RET: variants seen among roughly 807,000 people sequenced by gnomAD.
The protein encoded by RET is proto-oncogene tyrosine-protein kinase receptor Ret.
In RET, 19 loss-of-function variants were observed where a neutral mutation model predicts 118.3. The ratio of observed to expected loss-of-function variants is 0.16; its 90% CI spans 0.11 to 0.24. The LOEUF (loss-of-function observed/expected upper bound fraction) is 0.24, where lower values mean the gene tolerates loss of function less well. Ranked by LOEUF, RET falls within the 10% of genes least tolerant of loss-of-function variation. The pLI, the probability that RET is intolerant of heterozygous loss-of-function variation, is 1.00. For synonymous variants in RET, 597 were observed against 644.1 expected (o/e 0.93, Z 1.11); for missense variants, 1,219 against 1,502.1 (o/e 0.81, Z 3.12).
In RET at chr10:43,114,711, T is replaced by A. The variant is rs770155054; in HGVS notation, c.2111T>A (p.Val704Asp). 5.6e-6 allele frequency: 9 copies of A among 1,611,068 alleles called. No homozygotes were observed. The South Asian group carries it at 9.9e-5, about 18-fold the overall frequency. The change falls in exon 11 of 20, where the codon GTC becomes GAC. Residue 704 changes from valine (V) to aspartate (D), a missense_variant. Transcript: ENST00000355710. The surrounding 1 kb of genome is among the most constrained non-coding windows in gnomAD (Gnocchi z 4.6). ...RPSLDSMENQ[V>D]SVDAFKILED... ...TCGCTGGACTCCATGGAGAACCAGGTCTCCGTGGATGCCTTCAAGATCCTG... is the reference window on the plus strand; with the variant it reads ...TCGCTGGACTCCATGGAGAACCAGGACTCCGTGGATGCCTTCAAGATCCTG...
chr10:43,116,463 C>A (rs2132898889), intron 11 of RET, 121 bp from the exon 12 acceptor site: 1 of 1,268,986 alleles, frequency 7.9e-7, no homozygotes, highest in Non-Finnish European at 1.1e-6. Flanking sequence ...CAGATGACAG[C>A]CGGTTCTCTG....
rs1185431356 is a variant in RET, at chr10:43,077,276, C to G, written c.18C>G (p.Ser6=). 6.6e-7 allele frequency: 1 copy of G among 1,506,450 alleles called. No homozygotes were observed. The highest frequency in any genetic ancestry group is 8.8e-7 in the Non-Finnish European group (1 of 1,133,110). 93.3% of individuals were successfully genotyped at this position (1,506,450 alleles called of 1,614,324 possible). ...CACGGGCGATGGCGAAGGCGACGTC[C>G]GGTGCCGCGGGGCTGCGTCTGCTGT... is the stretch of plus-strand genomic sequence containing the variant. MAKAT[S]GAAGLRLLLL... The change falls in exon 1 of 20, where the codon TCC becomes TCG. Residue 6 remains serine, a synonymous_variant. Coordinates refer to ENST00000355710, the MANE Select transcript of RET (RefSeq NM_020975.6).
At chr10:43,120,424 C>G (rs1020969413) in intron 15 of RET, among the ~76,000 whole-genome samples, 1 of 152,246 alleles carries the variant, frequency 6.6e-6, no homozygotes, top group Admixed American at 6.5e-5. Flanking sequence ...CTCCAGGGCA[C>G]CCCTCCCTGG....
chr10:43,127,542 C>A, intron 19 of RET: 7 of 951,948 alleles, frequency 7.4e-6, no homozygotes, highest in Non-Finnish European at 7.6e-6. Flanking sequence ...TGTTTGAAAT[C>A]TTGGAGTTTC....
intron 1 of RET, among the ~76,000 whole-genome samples, chr10:43,079,302 A>T (rs1837125893): frequency 6.6e-6 from 1 of 152,178 alleles, no homozygotes; most frequent in Admixed American, 6.5e-5. Context: ...ACGTCCACAC[A>T]GGGACCCCAG....
chr10:43,109,958 A>G (rs1444319628), intron 6 of RET, among the ~76,000 whole-genome samples: 1 of 152,210 alleles, frequency 6.6e-6, no homozygotes, highest in Admixed American at 6.5e-5. Flanking sequence ...TCCCTTGCAG[A>G]GCAGCCCGTG....
At chr10:43,125,574 G>A (rs912330193) in intron 18 of RET, among the ~76,000 whole-genome samples, 1 of 152,228 alleles carries the variant, frequency 6.6e-6, no homozygotes, top group Non-Finnish European at 1.5e-5. Flanking sequence ...ATCGGGGGGT[G>A]GCCAGAGTCA....
intron 17 of RET, among the ~76,000 whole-genome samples, chr10:43,124,506 ATTC>A (rs1309872705): frequency 1.3e-5 from 2 of 152,216 alleles, no homozygotes; most frequent in African/African-American, 4.8e-5. Context: ...CAATCAATTC[ATTC>A]TTCTTGAGAG....
At chr10:43,101,340 A>G (rs1837638948) in intron 2 of RET, among the ~76,000 whole-genome samples, 1 of 152,258 alleles carries the variant, frequency 6.6e-6, no homozygotes, top group Admixed American at 6.5e-5. Flanking sequence ...CAGCTTGCAC[A>G]GCCCTCACAA....
At chr10:43,120,257 G>A (rs2132966331) in intron 15 of RET, 54 bp downstream of exon 15, 5 of 1,607,394 alleles carry the variant, frequency 3.1e-6, no homozygotes, top group Non-Finnish European at 4.2e-6. Flanking sequence ...GTGCACCATG[G>A]GGCAGGCAGT....
chr10:43,088,108 C>T (rs1588855185), intron 1 of RET, among the ~76,000 whole-genome samples: 1 of 146,558 alleles, frequency 6.8e-6, no homozygotes, highest in South Asian at 2.2e-4. Flanking sequence ...GATGGTGGAG[C>T]TCATAATGGT....
At chr10:43,118,858 T>C (rs1434653125) in intron 13 of RET, among the ~76,000 whole-genome samples, 1 of 152,160 alleles carries the variant, frequency 6.6e-6, no homozygotes, top group Non-Finnish European at 1.5e-5. Flanking sequence ...GCACCAGGTG[T>C]GCTGTGACCT....
At chr10:43,112,786 T>C in intron 8 of RET, 67 bp from the exon 9 acceptor site, 2 of 1,261,320 alleles carry the variant, frequency 1.6e-6, no homozygotes, top group Non-Finnish European at 2.3e-6. Context: ...AGGATCTGCC[T>C]AGGAGGTGGT....
chr10:43,126,719 T>C lies in RET; in HGVS notation c.3184T>C (p.Tyr1062His), dbSNP rs138010639. The C allele has an allele frequency of 5.0e-6, 8 of 1,613,820 alleles. No individual in the cohort carries two copies. Among genetic ancestry groups the C allele is most frequent in the South Asian group, 2.2e-5 (2 of 91,072 alleles). The part of the protein sequence containing the change: ...LPSTWIENKL[Y>H]GMSDPNWPGE... The stretch of plus-strand genomic sequence containing the variant: ...TTCCACATGGATTGAAAACAAACTC[T>C]ATGGTAGAATTTCCCATGCATTTAC... Residue 1062 changes from tyrosine (Y) to histidine (H), a missense_variant, in exon 19 of 20, where the codon TAT (tyrosine) becomes CAT (histidine). This residue lies in a region of RET where 174 missense variants were observed against 179.3 expected (regional missense o/e 0.97). Coordinates refer to ENST00000355710, the MANE Select transcript of RET (RefSeq NM_020975.6).
intron 17 of RET, among the ~76,000 whole-genome samples, chr10:43,124,095 G>C (rs1030760442): frequency 6.6e-6 from 1 of 152,160 alleles, no homozygotes; most frequent in Non-Finnish European, 1.5e-5. Flanking sequence ...AGGACACTTA[G>C]GGAGGAGAAG....
chr10:43,125,801 G>C (rs929066441), intron 18 of RET, among the ~76,000 whole-genome samples: 4 of 152,200 alleles, frequency 2.6e-5, no homozygotes, highest in African/African-American at 9.6e-5. Context: ...GCGGGATGCA[G>C]GACCTAGGAC....
At chr10:43,079,609 G>A (rs1258122946) in intron 1 of RET, among the ~76,000 whole-genome samples, 1 of 152,222 alleles carries the variant, frequency 6.6e-6, no homozygotes, top group Non-Finnish European at 1.5e-5. Context: ...TCCTCAGCAA[G>A]CCTCTTGTCT....
At chr10:43,125,101 C>T (rs1176435081) in intron 18 of RET, 119 bp downstream of exon 18, 2 of 925,684 alleles carry the variant, frequency 2.2e-6, no homozygotes, top group African/African-American at 3.3e-5. Flanking sequence ...TGGGATTGTG[C>T]AGAGAGAGAG....
Position 43,129,280 on chromosome 10 carries a change from GGCTA to G in RET, c.*1019_*1022del. On this transcript the variant is annotated 3_prime_UTR_variant, in exon 20 of 20. Transcript: ENST00000355710. ...TTATCAACTTACTCATAAAGGGACAGGCTAGCTAGCTGTGTTAGAAGTAGCAATG... is the reference window on the plus strand; with the variant it reads ...TTATCAACTTACTCATAAAGGGACAGGCTAGCTGTGTTAGAAGTAGCAATG... 1 of 233,696 alleles carries G rather than the reference GGCTA, an allele frequency of 4.3e-6. No homozygotes were observed. Among genetic ancestry groups the G allele is most frequent in the Non-Finnish European group, 8.5e-6 (1 of 118,036 alleles). 14.5% of individuals were successfully genotyped at this position (233,696 alleles called of 1,614,324 possible).
Sources: gnomAD v4.1 joint callset for allele counts (sites outside exome capture counted in the v4.1 genomes callset) on GRCh38, gnomAD v4.1.1 for gene constraint, gnomAD v4.1.1 regional missense constraint, Gnocchi (gnomAD v3.1) non-coding constraint, MANE v1.5 for transcripts, NCBI Gene and HGNC (gene_info 2026-07-23, HGNC 2026-07-21) for gene names.